The following ZNF492 variants were observed in gnomAD, a reference collection of about 807,000 sequenced individuals.
ZNF492 encodes the protein zinc finger protein 115 (Y20).
ZNF492 carries 3 observed loss-of-function variants against 6.4 expected under a neutral mutation model. The observed-to-expected ratio is 0.47, with a 90% confidence interval of 0.21 to 1.22. ZNF492 has a LOEUF of 1.22. Ranked by LOEUF, ZNF492 falls within the 50% of genes most tolerant of loss-of-function variation. The pLI is 0.22. For missense variants in ZNF492, 356 were observed against 612.5 expected, an observed-to-expected ratio of 0.58 and a Z score of 4.42; for synonymous variants, 112 against 205.3, an observed-to-expected ratio of 0.55 and a Z score of 3.89.
intron 1 of ZNF492, among the ~76,000 whole-genome samples, chr19:22,639,911 G>A (rs1402053526): frequency 6.6e-6 from 1 of 151,542 alleles, no homozygotes; most frequent in Non-Finnish European, 1.5e-5. Context: ...GTTGAGAGGA[G>A]GCATGCTTGT....
intron 3 of ZNF492, among the ~76,000 whole-genome samples, chr19:22,663,234 T>G (rs1599403617): frequency 6.6e-6 from 1 of 151,880 alleles, no homozygotes; most frequent in African/African-American, 2.4e-5. Flanking sequence ...TTGTCAAAGA[T>G]CAGATAGTTG....
At position 22,664,296 on chromosome 19, in the gene ZNF492, C is replaced by G. The variant is rs1568357923; in HGVS notation, c.627C>G (p.Leu209=). 5 of 1,583,168 alleles carry G rather than the reference C, an allele frequency of 3.2e-6. No homozygotes were observed. In the Admixed American group the frequency reaches 7.3e-5, roughly 23 times the overall value. Residue 209 remains leucine, a synonymous_variant, in exon 4 of 4, where the codon CTC becomes CTG. Transcript: ENST00000456783. The stretch of plus-strand genomic sequence containing the variant: ...AGTGTGGAAAAGCCTTTAACCGGCT[C>G]TCACACCTTACTACACATAAGATAA... The part of the protein sequence containing the change: ...CEECGKAFNR[L]SHLTTHKIIH...
At chr19:22,643,035 G>A (rs1246673057) in intron 1 of ZNF492, among the ~76,000 whole-genome samples, 4 of 152,068 alleles carry the variant, frequency 2.6e-5, no homozygotes, top group Admixed American at 6.6e-5. Context: ...AGGCCGAGGC[G>A]GGCTGATCAT....
At position 22,665,167 on chromosome 19, in the gene ZNF492, A is replaced by G. The variant is rs374548382; in HGVS notation, c.1498A>G (p.Thr500Ala). The G allele has an allele frequency of 6.5e-5, 105 of 1,608,972 alleles. No homozygotes were observed. The highest frequency in any genetic ancestry group is 8.2e-5 in the Non-Finnish European group (97 of 1,178,812). The change falls in exon 4 of 4, where the codon ACT becomes GCT. Residue 500 changes from threonine to alanine, a missense_variant. By Grantham distance (58) the Thr-to-Ala change is moderately conservative. Around this residue, in one of 7 missense-constraint regions of ZNF492, gnomAD observed 81 missense variants for 115.4 expected, o/e 0.70. Transcript: ENST00000456783. ...TCTTAACAGACATAAGATGATTCAT[A>G]CTGGAGAGAAACTCTACAAACCTGA... Reference protein sequence around the residue: ...SILNRHKMIHTGEKLYKPESC... With the variant: ...SILNRHKMIHAGEKLYKPESC...
rs182934469 is a variant in ZNF492 at position 22,644,713 on chromosome 19, G to T, written c.-93-8594G>T. On this transcript the variant is annotated intron_variant, in intron 1 of 3. Transcript: ENST00000456783. ...TACGTGTGCATGTGTCTTTATAATA[G>T]AATGATTTGTATTCCTTTGAGTATA... Among the ~76,000 whole-genome samples, 319 of 152,238 alleles carry T rather than the reference G, an allele frequency of 2.1e-3. 2 individuals are homozygous for T. The highest frequency in any genetic ancestry group is 7.4e-3 in the African/African-American group (309 of 41,536).
intron 3 of ZNF492, among the ~76,000 whole-genome samples, chr19:22,660,639 A>G (rs1016178320): frequency 1.3e-5 from 2 of 150,472 alleles, no homozygotes; most frequent in Non-Finnish European, 2.9e-5. Flanking sequence ...TTTAGAGATC[A>G]TTTAAAATGT....
chr19:22,657,197 T>C (rs4933021), intron 3 of ZNF492, among the ~76,000 whole-genome samples: 17,011 of 152,126 alleles, frequency 0.11, 1,029 homozygotes, highest in Middle Eastern at 0.17. Context: ...AAAGGAAATA[T>C]AGACAGGCAA....
chr19:22,659,234 A>G (rs1017870780), intron 3 of ZNF492, among the ~76,000 whole-genome samples: 2 of 150,546 alleles, frequency 1.3e-5, no homozygotes, highest in African/African-American at 5.0e-5. Context: ...TGGTGATAGA[A>G]AGTAATTTAT....
chr19:22,644,592 T>G (rs1049859282), intron 1 of ZNF492, among the ~76,000 whole-genome samples: 17 of 152,232 alleles, frequency 1.1e-4, no homozygotes, highest in South Asian at 8.3e-4. Flanking sequence ...TATTCCATGG[T>G]GTGTATGTAC....
At chr19:22,636,100 A>T (rs1309222489) in intron 1 of ZNF492, among the ~76,000 whole-genome samples, 1 of 138,440 alleles carries the variant, frequency 7.2e-6, no homozygotes, top group Non-Finnish European at 1.5e-5. Flanking sequence ...CTCTTACTTA[A>T]ATATTTTTTT....
At chr19:22,649,423 T>C (rs529928908) in intron 1 of ZNF492, among the ~76,000 whole-genome samples, 23 of 152,300 alleles carry the variant, frequency 1.5e-4, no homozygotes, top group African/African-American at 5.5e-4. Context: ...GATCTTCTTG[T>C]GGAATATCTT....
chr19:22,656,108 C>A, intron 3 of ZNF492, among the ~76,000 whole-genome samples: 1 of 144,618 alleles, frequency 6.9e-6, no homozygotes. Flanking sequence ...CAGGCATGAG[C>A]CACCGCGCCT....
rs943095254 is a variant in ZNF492, at chr19:22,667,583, C to A, written c.*2318C>A. 1.3e-5 allele frequency: 2 copies of A among 151,704 alleles called. No homozygotes were observed. The highest frequency in any genetic ancestry group is 6.6e-5 in the Admixed American group (1 of 15,236). The allele number at this position is 151,704 out of a possible 1,614,324, so 9.4% of individuals were successfully genotyped here. ...TTTTAAAATATACGATTGTTATTGA[C>A]TACAGGGTTATTTTTATAATAAAAA... On this transcript the variant is annotated 3_prime_UTR_variant, in exon 4 of 4. Coordinates refer to ENST00000456783, the MANE Select transcript of ZNF492 (RefSeq NM_020855.3).
At chr19:22,656,529 A>G (rs1971998173) in intron 3 of ZNF492, among the ~76,000 whole-genome samples, 1 of 152,012 alleles carries the variant, frequency 6.6e-6, no homozygotes, top group South Asian at 2.1e-4. Context: ...GATAAAACTG[A>G]GTCATGGAAC....
In ZNF492 at chr19:22,665,903, A is replaced by G. The variant is rs963346431; in HGVS notation, c.*638A>G. 2.6e-5 allele frequency: 4 copies of G among 152,284 alleles called. No individual in the cohort carries two copies. Among genetic ancestry groups the G allele is most frequent in the African/African-American group, 9.6e-5 (4 of 41,472 alleles). The allele number at this position is 152,284 out of a possible 1,614,324, so 9.4% of individuals were successfully genotyped here. A position where few individuals can be genotyped will look rare whatever the true frequency, so the allele number is the denominator to read the frequency against. On this transcript the variant is annotated 3_prime_UTR_variant, in exon 4 of 4. Coordinates refer to ENST00000456783, the MANE Select transcript of ZNF492 (RefSeq NM_020855.3). ...TGTTAGAAATATATAAGGCAATGAC[A>G]CTTCAGACTTTACACTGAATCAGAG...
chr19:22,635,742 C>T (rs1409830121), intron 1 of ZNF492, among the ~76,000 whole-genome samples: 2 of 152,026 alleles, frequency 1.3e-5, no homozygotes, highest in African/African-American at 4.8e-5. Context: ...CCAAGATAAC[C>T]GCTATGGCGA....
intron 1 of ZNF492, 129 bp downstream of exon 1, chr19:22,634,603 C>A: frequency 9.9e-7 from 1 of 1,013,040 alleles, no homozygotes; most frequent in Non-Finnish European, 1.5e-6. Flanking sequence ...TTCGCCTTGC[C>A]CAGCCCAGCC....
intron 1 of ZNF492, among the ~76,000 whole-genome samples, chr19:22,649,682 G>A (rs538177645): frequency 6.6e-6 from 1 of 151,862 alleles, no homozygotes; most frequent in Admixed American, 6.6e-5. Flanking sequence ...CCTTATTTCA[G>A]CAAGGTGGTC....
rs1972054703 is a variant in ZNF492, at chr19:22,661,119, T to C, written c.131-2681T>C. On this transcript the variant is annotated intron_variant, in intron 3 of 3. Coordinates refer to ENST00000456783, the MANE Select transcript of ZNF492 (RefSeq NM_020855.3). ...GTATCTGTTTAAATATCTGTGTGTG[T>C]ATCCTAATTTGTTTGTTGAACTTCA... 2.0e-5 allele frequency among the ~76,000 whole-genome samples: 3 copies of C among 152,154 alleles called. No individual in the cohort carries two copies. The South Asian group carries it at 6.2e-4, about 31-fold the overall frequency.
Sources: gnomAD v4.1 joint callset for allele counts (sites outside exome capture counted in the v4.1 genomes callset) on GRCh38, gnomAD v4.1.1 for gene constraint, gnomAD v4.1.1 regional missense constraint, MANE v1.5 for transcripts, NCBI Gene and HGNC (gene_info 2026-07-23, HGNC 2026-07-21) for gene names.